The following IPPK variants were observed in gnomAD, a reference collection of about 807,000 sequenced individuals.
IPPK encodes IPK1 homolog.
In IPPK, 22 loss-of-function variants were observed where a neutral mutation model predicts 64.6. That is an observed-to-expected ratio of 0.34 (90% CI 0.24 to 0.49). The LOEUF is 0.49. IPPK is among the 20% of genes least tolerant of loss of function. IPPK has a pLI of 0.99. For missense variants in IPPK, 532 were observed against 630.7 expected (o/e 0.84, Z 1.68); for synonymous variants, 262 against 247.2 (o/e 1.06, Z -0.56).
At chr9:92,646,868 T>A (rs1587635307) in intron 6 of IPPK, among the ~76,000 whole-genome samples, 1 of 151,896 alleles carries the variant, frequency 6.6e-6, no homozygotes, top group South Asian at 2.1e-4. Context: ...CCAGCCTGGG[T>A]GCAGAACGAG....
intron 3 of IPPK, among the ~76,000 whole-genome samples, chr9:92,654,668 C>T (rs540453728): frequency 6.6e-6 from 1 of 152,242 alleles, no homozygotes; most frequent in Non-Finnish European, 1.5e-5. Context: ...GGAAAGCCCA[C>T]AGAAATCCCA....
chr9:92,617,853 G>A (rs901362917), intron 12 of IPPK: 16 of 211,616 alleles, frequency 7.6e-5, no homozygotes, highest in African/African-American at 1.2e-4. Flanking sequence ...GCGACAGGAA[G>A]GCAGATCCAA....
rs1402291440 is a variant in IPPK at position 92,626,215 on chromosome 9, GCGAAACCCC to G, written c.1171-6659_1171-6651del. On this transcript the variant is annotated intron_variant, in intron 11 of 12. Transcript: ENST00000287996. ...GATTGAGACCATCCTGACTAACACG[GCGAAACCCC>G]ATCTCTACTAAAAATACAAAAAATT... Among the ~76,000 whole-genome samples, 37 of 152,178 alleles carry G rather than the reference GCGAAACCCC, an allele frequency of 2.4e-4. No individual in the cohort carries two copies. In the East Asian group the frequency reaches 6.6e-3, roughly 27 times the overall value.
chr9:92,653,044 G>C (rs1255874720), intron 3 of IPPK, among the ~76,000 whole-genome samples: 1 of 152,170 alleles, frequency 6.6e-6, no homozygotes, highest in Non-Finnish European at 1.5e-5. Context: ...TGACCACTCA[G>C]ACAACCTGAG....
intron 1 of IPPK, among the ~76,000 whole-genome samples, chr9:92,669,617 G>A (rs1359812956): frequency 6.6e-6 from 1 of 152,164 alleles, no homozygotes; most frequent in Non-Finnish European, 1.5e-5. Flanking sequence ...AGGGGGATGT[G>A]GAACTGACTC....
intron 11 of IPPK, among the ~76,000 whole-genome samples, chr9:92,630,521 CTG>C (rs1851819782): frequency 6.6e-6 from 1 of 152,064 alleles, no homozygotes; most frequent in South Asian, 2.1e-4. Flanking sequence ...AGTGGGTAAA[CTG>C]TATGGTATAT....
At chr9:92,619,178 A>C in intron 12 of IPPK, 1 of 294,342 alleles carries the variant, frequency 3.4e-6, no homozygotes, top group Non-Finnish European at 6.5e-6. Flanking sequence ...CTTTGAGGGA[A>C]TGCAATGGGC....
Position 92,615,739 on chromosome 9 carries a change from T to C in IPPK, c.*93A>G. On this transcript the variant is annotated 3_prime_UTR_variant, in exon 13 of 13. Transcript: ENST00000287996. ...CAAAAGGGGTTAAAAGCAAAAACATTCACAACCAAAGGTCACCCAACACAA... is the reference window on the plus strand; with the variant it reads ...CAAAAGGGGTTAAAAGCAAAAACATCCACAACCAAAGGTCACCCAACACAA... 9.3e-7 allele frequency: 1 copy of C among 1,075,892 alleles called. No homozygotes were observed. The highest frequency in any genetic ancestry group is 2.0e-5 in the Admixed American group (1 of 49,382). The allele number at this position is 1,075,892 out of a possible 1,614,324, so 66.6% of individuals were successfully genotyped here. A position where few individuals can be genotyped will look rare whatever the true frequency, so the allele number is the denominator to read the frequency against.
At chr9:92,646,635 T>C (rs1051815952) in intron 6 of IPPK, among the ~76,000 whole-genome samples, 2 of 152,166 alleles carry the variant, frequency 1.3e-5, no homozygotes, top group African/African-American at 4.8e-5. Context: ...AGAAGAATGA[T>C]CTTAAATGAA....
rs191660131 is a variant in IPPK at position 92,632,300 on chromosome 9, G to A, written c.1170+2086C>T. Among the ~76,000 whole-genome samples the A allele has an allele frequency of 3.9e-4, 59 of 152,238 alleles. 2 individuals are homozygous for A. Among genetic ancestry groups the A allele is most frequent in the South Asian group, 2.1e-3 (10 of 4,822 alleles). Reference sequence around the variant, plus strand: ...GTAGGAACCTTCCAAACTGTTTTCCGGAGTGACTGTGTCATTTTCCATCCC... The same window carrying A: ...GTAGGAACCTTCCAAACTGTTTTCCAGAGTGACTGTGTCATTTTCCATCCC... On this transcript the variant is annotated intron_variant, in intron 11 of 12. Coordinates refer to ENST00000287996, the MANE Select transcript of IPPK (RefSeq NM_022755.6).
intron 6 of IPPK, among the ~76,000 whole-genome samples, chr9:92,647,484 G>A (rs1852170536): frequency 6.6e-6 from 1 of 152,030 alleles, no homozygotes; most frequent in South Asian, 2.1e-4. Flanking sequence ...CATCCCTTAT[G>A]ATTCAAAAAC....
chr9:92,635,127 G>A lies in IPPK; in HGVS notation c.1067+31C>T, dbSNP rs1331762652. On this transcript the variant is annotated intron_variant, in intron 10 of 12. Transcript: ENST00000287996. This position sits in a 1 kb window ranked among gnomAD's most constrained non-coding sequence, Gnocchi z 4.4. ...CCCACTCCCACAGTCTCCTCTCAGGGCTGCCCAACAGGGGGACCGCCCGAC... is the reference window on the plus strand; with the variant it reads ...CCCACTCCCACAGTCTCCTCTCAGGACTGCCCAACAGGGGGACCGCCCGAC... 6.3e-7 allele frequency: 1 copy of A among 1,593,998 alleles called. No individual in the cohort carries two copies.
chr9:92,639,721 G>A (rs541995269), intron 8 of IPPK, among the ~76,000 whole-genome samples: 6 of 152,068 alleles, frequency 3.9e-5, no homozygotes, highest in South Asian at 2.1e-4. Context: ...CTTAAATATC[G>A]AGTTTATAAA....
At chr9:92,664,259 C>T (rs1229192837) in intron 1 of IPPK, among the ~76,000 whole-genome samples, 4 of 152,240 alleles carry the variant, frequency 2.6e-5, no homozygotes, top group East Asian at 1.9e-4. Context: ...GGGTGAGCTT[C>T]GCTTCACTGG....
At chr9:92,630,219 A>G (rs1236772166) in intron 11 of IPPK, among the ~76,000 whole-genome samples, 1 of 152,248 alleles carries the variant, frequency 6.6e-6, no homozygotes, top group African/African-American at 2.4e-5. Flanking sequence ...TGAAGTACTG[A>G]TGCATGCTAC....
At chr9:92,662,810 G>A (rs899307679) in intron 1 of IPPK, among the ~76,000 whole-genome samples, 5 of 152,162 alleles carry the variant, frequency 3.3e-5, no homozygotes, top group Admixed American at 6.5e-5. Flanking sequence ...GACACAACTC[G>A]TCACTTACAA....
chr9:92,620,356 G>A (rs1001955110), intron 11 of IPPK: 6 of 152,328 alleles, frequency 3.9e-5, no homozygotes, highest in African/African-American at 1.2e-4. Context: ...TGTGTGTGAC[G>A]CGGGCAGGGA....
chr9:92,625,921 A>AT (rs368138756), intron 11 of IPPK, among the ~76,000 whole-genome samples: 5,894 of 148,220 alleles, frequency 0.04, 152 homozygotes, highest in Middle Eastern at 0.078. Flanking sequence ...AAAATAAGAG[A>AT]TTTTTTTTTT....
Position 92,619,383 on chromosome 9 carries a change from G to C in IPPK, c.1250+103C>G, listed in dbSNP as rs530164136. 66 of 894,330 alleles carry C rather than the reference G, an allele frequency of 7.4e-5. 1 individual carries two copies. In the South Asian group the frequency reaches 9.2e-4, roughly 12 times the overall value. The allele number at this position is 894,330 out of a possible 1,614,324, so 55.4% of individuals were successfully genotyped here. A position where few individuals can be genotyped will look rare whatever the true frequency, so the allele number is the denominator to read the frequency against. ...AAGGAAGTTATGTCACTCCGCCATG[G>C]AGTCTCTAAATATGGGGAAACCAAC... On this transcript the variant is annotated intron_variant, in intron 12 of 12. Transcript: ENST00000287996.
Sources: gnomAD v4.1 joint callset for allele counts (sites outside exome capture counted in the v4.1 genomes callset) on GRCh38, gnomAD v4.1.1 for gene constraint, Gnocchi (gnomAD v3.1) non-coding constraint, MANE v1.5 for transcripts, NCBI Gene and HGNC (gene_info 2026-07-23, HGNC 2026-07-21) for gene names.